VTI1A: variants seen among roughly 807,000 people sequenced by gnomAD.
The protein encoded by VTI1A is vesicle transport through interaction with t-SNAREs homolog 1A.
Under a neutral mutation model 34.9 loss-of-function variants are expected in VTI1A, and 22 were observed. The ratio of observed to expected loss-of-function variants is 0.63; its 90% CI spans 0.45 to 0.90. The LOEUF (loss-of-function observed/expected upper bound fraction) is 0.90. Among genes scored for constraint, VTI1A ranks in the 40% least tolerant of loss-of-function variants. The probability of loss-of-function intolerance (pLI) is 0.00; values close to 1 mark genes in which losing one functional copy is unlikely to be tolerated. For missense variants in VTI1A, 268 were observed against 275.6 expected, an observed-to-expected ratio of 0.97 and a Z score of 0.20; for synonymous variants, 87 against 97.3, an observed-to-expected ratio of 0.89 and a Z score of 0.62.
At chr10:112,829,474 G>A in the VTI1A span, among the ~76,000 whole-genome samples, 1 of 151,418 alleles carries the variant, frequency 6.6e-6, no homozygotes, top group Non-Finnish European at 1.5e-5. Flanking sequence ...TGATTGGCTG[G>A]GCACGGTGGC....
intron 5 of VTI1A, among the ~76,000 whole-genome samples, chr10:112,563,191 C>G (rs1238015274): frequency 6.6e-6 from 1 of 152,152 alleles, no homozygotes; most frequent in Non-Finnish European, 1.5e-5. Context: ...CACCAGAAGA[C>G]ACAGTTGCTT....
chr10:112,560,196 G>A (rs1589904281), intron 5 of VTI1A, among the ~76,000 whole-genome samples: 1 of 152,154 alleles, frequency 6.6e-6, no homozygotes, highest in Non-Finnish European at 1.5e-5. Flanking sequence ...TCTGCTTTGA[G>A]AGTTTTTATT....
chr10:112,808,141 C>A (rs1590203740), intron 7 of VTI1A, among the ~76,000 whole-genome samples: 2 of 151,678 alleles, frequency 1.3e-5, no homozygotes, highest in African/African-American at 4.8e-5. Context: ...TCACTTGAGT[C>A]CAAGCGTTCA....
intron 5 of VTI1A, among the ~76,000 whole-genome samples, chr10:112,596,070 C>A (rs1265257404): frequency 6.6e-6 from 1 of 150,884 alleles, no homozygotes; most frequent in Non-Finnish European, 1.5e-5. Flanking sequence ...GGACAAAAAA[C>A]CAAACACTGC....
chr10:112,535,114 A>G (rs1021515220), intron 4 of VTI1A, among the ~76,000 whole-genome samples: 1 of 152,064 alleles, frequency 6.6e-6, no homozygotes, highest in Non-Finnish European at 1.5e-5. Context: ...TTTTTGTTTG[A>G]TGGCTTATTT....
intron 3 of VTI1A, among the ~76,000 whole-genome samples, chr10:112,516,619 A>G (rs920157048): frequency 4.0e-5 from 6 of 148,420 alleles, no homozygotes; most frequent in Admixed American, 2.0e-4. Flanking sequence ...TAATTCATAT[A>G]TAAAAAGAAG....
At chr10:112,718,991 A>G (rs1849702843) in intron 7 of VTI1A, among the ~76,000 whole-genome samples, 1 of 152,260 alleles carries the variant, frequency 6.6e-6, no homozygotes, top group African/African-American at 2.4e-5. Context: ...AGAGCAAACT[A>G]GAGGTCAGTG....
intron 5 of VTI1A, among the ~76,000 whole-genome samples, chr10:112,545,922 C>CGTGTATACACGT (rs1851066536): frequency 6.7e-6 from 1 of 149,262 alleles, no homozygotes. Context: ...TGTGTGTGTG[C>CGTGTATACACGT]ATGTGTTTGT....
chr10:112,834,495 C>T, the VTI1A span, among the ~76,000 whole-genome samples: 1 of 152,212 alleles, frequency 6.6e-6, no homozygotes, highest in African/African-American at 2.4e-5. Context: ...TGATTGGTTC[C>T]ATGCAAAGAA....
chr10:112,528,720 G>T (rs1350749218), intron 4 of VTI1A, among the ~76,000 whole-genome samples: 1 of 152,058 alleles, frequency 6.6e-6, no homozygotes, highest in East Asian at 1.9e-4. Flanking sequence ...TGAATGCGTA[G>T]TTCCCATGTC....
chr10:112,646,615 A>G (rs1430282712), intron 5 of VTI1A, among the ~76,000 whole-genome samples: 1 of 151,840 alleles, frequency 6.6e-6, no homozygotes, highest in Non-Finnish European at 1.5e-5. Context: ...GGTTCAAGCA[A>G]TTCCTGTCTC....
At chr10:112,696,489 C>A (rs1179186560) in intron 7 of VTI1A, among the ~76,000 whole-genome samples, 2 of 152,072 alleles carry the variant, frequency 1.3e-5, no homozygotes, top group Non-Finnish European at 2.9e-5. Context: ...CATTCTATAT[C>A]CATTTTTGCT....
intron 5 of VTI1A, among the ~76,000 whole-genome samples, chr10:112,583,713 G>GTGT (rs1339938660): frequency 1.3e-5 from 2 of 152,184 alleles, no homozygotes; most frequent in Non-Finnish European, 2.9e-5. Flanking sequence ...AAAGGAAGCA[G>GTGT]TGTTATAGCA....
In VTI1A at chr10:112,668,912, T is replaced by G. The variant is rs752503957; in HGVS notation, c.499-25T>G. 2.5e-6 allele frequency: 4 copies of G among 1,610,816 alleles called. No individual in the cohort carries two copies. The African/African-American group carries it at 5.3e-5, about 22-fold the overall frequency. On this transcript the variant is annotated intron_variant, in intron 6 of 7. Transcript: ENST00000393077. ...GAAATAATCTAATTGCATGAACTTC[T>G]GTTTTGTTTTGTTTCTTCTTGTAGC...
intron 7 of VTI1A, among the ~76,000 whole-genome samples, chr10:112,690,568 A>G (rs1176605843): frequency 6.6e-6 from 1 of 152,214 alleles, no homozygotes; most frequent in African/African-American, 2.4e-5. Context: ...GCTCCATAGC[A>G]TATAGCAGGG....
intron 5 of VTI1A, among the ~76,000 whole-genome samples, chr10:112,559,305 A>G (rs1441136498): frequency 6.6e-6 from 1 of 152,236 alleles, no homozygotes; most frequent in African/African-American, 2.4e-5. Context: ...ACAGATTGGC[A>G]ACATTGCTCC....
intron 7 of VTI1A, among the ~76,000 whole-genome samples, chr10:112,730,510 T>C (rs1458729838): frequency 2.6e-5 from 4 of 152,212 alleles, no homozygotes. Context: ...CACTGACACA[T>C]GGAGTCCCTT....
intron 5 of VTI1A, among the ~76,000 whole-genome samples, chr10:112,621,790 C>T (rs1845747775): frequency 6.6e-6 from 1 of 152,192 alleles, no homozygotes; most frequent in Non-Finnish European, 1.5e-5. Context: ...ATGACATGTG[C>T]TGTTCCATGT....
At chr10:112,589,399 G>T (rs996770747) in intron 5 of VTI1A, among the ~76,000 whole-genome samples, 1 of 151,660 alleles carries the variant, frequency 6.6e-6, no homozygotes, top group East Asian at 1.9e-4. Flanking sequence ...TGTGAGACGT[G>T]CCTTTCACCT....
Sources: allele counts gnomAD v4.1 joint callset (sites outside exome capture counted in the v4.1 genomes callset), GRCh38; gene constraint gnomAD v4.1.1; transcripts MANE v1.5; gene names NCBI Gene and HGNC (gene_info 2026-07-23, HGNC 2026-07-21).